The following FGF12 variants were observed in gnomAD, a reference collection of about 807,000 sequenced individuals.
FGF12 encodes the protein fibroblast growth factor 12B.
Under a neutral mutation model 23.6 loss-of-function variants are expected in FGF12, and 14 were observed. That is an observed-to-expected ratio of 0.59 (90% CI 0.39 to 0.93). The LOEUF (loss-of-function observed/expected upper bound fraction) is 0.93. FGF12 is among the 40% of genes least tolerant of loss of function. The probability of loss-of-function intolerance (pLI) is 0.00; values close to 1 mark genes in which losing one functional copy is unlikely to be tolerated. For missense variants in FGF12, 175 were observed against 217.8 expected, an observed-to-expected ratio of 0.80 and a Z score of 1.24; for synonymous variants, 62 against 77.3, an observed-to-expected ratio of 0.80 and a Z score of 1.04.
intron 5 of FGF12, among the ~76,000 whole-genome samples, chr3:192,164,242 G>C (rs1290219759): frequency 6.6e-6 from 1 of 152,140 alleles, no homozygotes; most frequent in Non-Finnish European, 1.5e-5. Context: ...TCTGTGCTTT[G>C]AACAATACTC....
At chr3:192,288,782 G>T (rs1040182262) in intron 4 of FGF12, among the ~76,000 whole-genome samples, 1 of 152,068 alleles carries the variant, frequency 6.6e-6, no homozygotes, top group South Asian at 2.1e-4. Context: ...ATGGGACCTG[G>T]TTATAAATCC....
intron 2 of FGF12, among the ~76,000 whole-genome samples, chr3:192,454,466 A>G (rs187312124): frequency 9.0e-4 from 137 of 152,328 alleles, no homozygotes; most frequent in Middle Eastern, 3.4e-3. Flanking sequence ...TACAGTCTAG[A>G]AATGTTATGC....
At chr3:192,520,730 T>C (rs994876747) in intron 2 of FGF12, among the ~76,000 whole-genome samples, 5 of 152,190 alleles carry the variant, frequency 3.3e-5, no homozygotes, top group African/African-American at 4.8e-5. Flanking sequence ...ATAATCGTTA[T>C]TCCCTCATTA....
chr3:192,223,692 A>T (rs1032503234), intron 4 of FGF12, among the ~76,000 whole-genome samples: 8 of 152,150 alleles, frequency 5.3e-5, no homozygotes, highest in African/African-American at 1.4e-4. Context: ...TTACAGGTAT[A>T]TGCAGAATGT....
At chr3:192,201,030 C>T (rs1245997261) in intron 4 of FGF12, among the ~76,000 whole-genome samples, 1 of 152,110 alleles carries the variant, frequency 6.6e-6, no homozygotes, top group East Asian at 1.9e-4. Flanking sequence ...GGTACAGCTT[C>T]AGATGTCTCC....
chr3:192,703,202 C>T (rs1718357708), intron 2 of FGF12, among the ~76,000 whole-genome samples: 1 of 152,096 alleles, frequency 6.6e-6, no homozygotes, highest in Admixed American at 6.6e-5. Context: ...GGGTTCCGGA[C>T]AACCACAATA....
At chr3:192,323,146 G>C (rs575428982) in intron 4 of FGF12, among the ~76,000 whole-genome samples, 2 of 152,224 alleles carry the variant, frequency 1.3e-5, no homozygotes, top group African/African-American at 4.8e-5. Context: ...TACACCTATG[G>C]AAAACAGTAT....
At chr3:192,674,043 A>T (rs2108698305) in intron 2 of FGF12, among the ~76,000 whole-genome samples, 1 of 150,900 alleles carries the variant, frequency 6.6e-6, no homozygotes, top group East Asian at 1.9e-4. Flanking sequence ...TTATGACTAG[A>T]CTCTCTTATT....
chr3:192,310,295 T>C (rs1175241293), intron 4 of FGF12, among the ~76,000 whole-genome samples: 2 of 152,194 alleles, frequency 1.3e-5, no homozygotes, highest in African/African-American at 4.8e-5. Context: ...TGTGCTATTT[T>C]GATATCGTAG....
At chr3:192,392,634 GGAA>G (rs1720355525) in intron 2 of FGF12, among the ~76,000 whole-genome samples, 3 of 110,616 alleles carry the variant, frequency 2.7e-5, no homozygotes, top group Non-Finnish European at 5.8e-5. Flanking sequence ...GAGAGAGAGA[GGAA>G]GGGAGGGAGG....
chr3:192,202,020 C>T (rs951563784), intron 4 of FGF12, among the ~76,000 whole-genome samples: 2 of 152,152 alleles, frequency 1.3e-5, no homozygotes, highest in African/African-American at 4.8e-5. Context: ...ATGTGAATTA[C>T]CAAATTGACT....
chr3:192,319,516 G>A (rs1477886930), intron 4 of FGF12, among the ~76,000 whole-genome samples: 2 of 152,108 alleles, frequency 1.3e-5, no homozygotes, highest in Non-Finnish European at 2.9e-5. Flanking sequence ...AGAAGAACTT[G>A]AACCTGGGAG....
At chr3:192,601,067 A>G (rs1362316203) in intron 2 of FGF12, among the ~76,000 whole-genome samples, 1 of 152,168 alleles carries the variant, frequency 6.6e-6, no homozygotes, top group Non-Finnish European at 1.5e-5. Context: ...ACAACTGATG[A>G]ATGGATAAAG....
intron 2 of FGF12, among the ~76,000 whole-genome samples, chr3:192,482,684 T>C (rs1377705819): frequency 6.6e-6 from 1 of 152,072 alleles, no homozygotes. Flanking sequence ...TCTTGAGACA[T>C]GGTTAAATTC....
At chr3:192,469,925 C>T (rs1211661348) in intron 2 of FGF12, among the ~76,000 whole-genome samples, 2 of 152,104 alleles carry the variant, frequency 1.3e-5, no homozygotes, top group East Asian at 3.8e-4. Flanking sequence ...TTTTACAAAG[C>T]TATGTGTGTA....
At chr3:192,632,575 T>G (rs528912107) in intron 2 of FGF12, among the ~76,000 whole-genome samples, 2 of 152,368 alleles carry the variant, frequency 1.3e-5, no homozygotes, top group African/African-American at 4.8e-5. Context: ...AATGGTTAGA[T>G]ATATTTCCCA....
At chr3:192,503,568 T>G (rs1023956337) in intron 2 of FGF12, among the ~76,000 whole-genome samples, 21 of 145,538 alleles carry the variant, frequency 1.4e-4, no homozygotes, top group African/African-American at 4.8e-4. Context: ...TGTTAGTTTT[T>G]GTTTTGGTTT....
chr3:192,178,296 C>T (rs1372120041), intron 4 of FGF12, among the ~76,000 whole-genome samples: 1 of 151,788 alleles, frequency 6.6e-6, no homozygotes, highest in South Asian at 2.1e-4. Flanking sequence ...AGCTTTCCTA[C>T]CAAAGAAATG....
At chr3:192,480,849 C>T (rs1307889193) in intron 2 of FGF12, among the ~76,000 whole-genome samples, 2 of 152,178 alleles carry the variant, frequency 1.3e-5, no homozygotes, top group Middle Eastern at 3.2e-3. Context: ...ACTGCATTAT[C>T]TTGTGACATT....
Sources: gnomAD v4.1 joint callset for allele counts (sites outside exome capture counted in the v4.1 genomes callset) on GRCh38, gnomAD v4.1.1 for gene constraint, MANE v1.5 for transcripts, NCBI Gene and HGNC (gene_info 2026-07-23, HGNC 2026-07-21) for gene names.